The following TRMT44 variants were observed in gnomAD, a reference collection of about 807,000 sequenced individuals.
The protein encoded by TRMT44 is tRNA methyltransferase 44 homolog.
Under a neutral mutation model 77.3 loss-of-function variants are expected in TRMT44, and 78 were observed. The ratio of observed to expected loss-of-function variants is 1.01; its 90% CI spans 0.84 to 1.22. TRMT44 has a LOEUF of 1.22. TRMT44 is among the 50% of genes most tolerant of loss of function. TRMT44 has a pLI of 0.00. For synonymous variants in TRMT44, 391 were observed against 383.3 expected (o/e 1.02, Z -0.23); for missense variants, 1,090 against 964.4 (o/e 1.13, Z -1.73).
Position 8,446,591 on chromosome 4 carries a change from G to T in TRMT44, c.734+1G>T. 2.0e-6 allele frequency: 3 copies of T among 1,525,372 alleles called. No homozygotes were observed. Among genetic ancestry groups the T allele is most frequent in the Non-Finnish European group, 1.8e-6 (2 of 1,137,114 alleles). The allele number at this position is 1,525,372 out of a possible 1,614,324, so 94.5% of individuals were successfully genotyped here. A position where few individuals can be genotyped will look rare whatever the true frequency, so the allele number is the denominator to read the frequency against. On this transcript the variant is annotated splice_donor_variant, in intron 2 of 10. Coordinates refer to ENST00000389737, the MANE Select transcript of TRMT44 (RefSeq NM_152544.3). LOFTEE classifies it high-confidence loss of function. The surrounding 1 kb of genome is among the most constrained non-coding windows in gnomAD (Gnocchi z 4.3). ...AGCTCAGTCATAGCAAAGAAGAATG[G>T]TAAGAGCTGGACAGTGGACTCCTAG...
At chr4:8,500,004 C>T in the TRMT44 span, among the ~76,000 whole-genome samples, 1,600 of 152,266 alleles carry the variant, frequency 0.011, 29 homozygotes, top group African/African-American at 0.037. Context: ...CAAGGCAGGA[C>T]GATTGCTTGA....
At chr4:8,509,173 G>C in the TRMT44 span, 2 of 145,540 alleles carry the variant, frequency 1.4e-5, no homozygotes, top group Non-Finnish European at 3.0e-5. Context: ...AGGAACCAAA[G>C]AGATCCTTTG....
the TRMT44 span, among the ~76,000 whole-genome samples, chr4:8,505,517 G>T: frequency 6.6e-6 from 1 of 152,224 alleles, no homozygotes; most frequent in Admixed American, 6.5e-5. Flanking sequence ...ACAGGCAGCC[G>T]GTGTGGGGGG....
At chr4:8,492,415 G>A (rs1202126552) in intron 2 of TRMT44, among the ~76,000 whole-genome samples, 6 of 152,140 alleles carry the variant, frequency 3.9e-5, no homozygotes, top group African/African-American at 1.4e-4. Context: ...AATTATGACC[G>A]TGAAAGGACA....
In TRMT44 at chr4:8,451,928, A is replaced by G. The variant is rs1229179580; in HGVS notation, c.955-32A>G. The G allele has an allele frequency of 1.0e-5, 16 of 1,534,476 alleles. No homozygotes were observed. Among genetic ancestry groups the G allele is most frequent in the Non-Finnish European group, 1.4e-5 (16 of 1,145,264 alleles). ...TGGGAAATGGTGGTGGGGAAACCGA[A>G]CAATTTATGTTTGCTCTTGAAACTG... is the stretch of plus-strand genomic sequence containing the variant. On this transcript the variant is annotated intron_variant, in intron 3 of 10. Transcript: ENST00000389737. This position sits in a 1 kb window ranked among gnomAD's most constrained non-coding sequence, Gnocchi z 4.1.
chr4:8,492,612 C>A (rs1728041166), intron 2 of TRMT44, among the ~76,000 whole-genome samples: 1 of 152,140 alleles, frequency 6.6e-6, no homozygotes, highest in African/African-American at 2.4e-5. Flanking sequence ...AAACCTGCCT[C>A]TCATTCTATT....
chr4:8,464,701 G>A (rs1331451674), intron 7 of TRMT44, among the ~76,000 whole-genome samples: 2 of 152,178 alleles, frequency 1.3e-5, no homozygotes, highest in Non-Finnish European at 2.9e-5. Context: ...ATTAAAAGCT[G>A]ACGTCTTAAA....
chr4:8,494,072 G>T (rs777810386), downstream of TRMT44, among the ~76,000 whole-genome samples: 1 of 151,080 alleles, frequency 6.6e-6, no homozygotes, highest in Admixed American at 6.6e-5. Flanking sequence ...TGAGGCAGCT[G>T]TGGGGTGATG....
At chr4:8,501,834 C>T in the TRMT44 span, among the ~76,000 whole-genome samples, 2 of 152,288 alleles carry the variant, frequency 1.3e-5, no homozygotes, top group South Asian at 2.1e-4. The surrounding 1 kb of genome is among the most constrained non-coding windows in gnomAD (Gnocchi z 4.4). Flanking sequence ...TGGGCCCCAG[C>T]CTCTCCATCC....
chr4:8,478,937 C>T (rs1028875121), downstream of TRMT44: 39 of 152,248 alleles, frequency 2.6e-4, no homozygotes, highest in African/African-American at 9.4e-4. Flanking sequence ...ATGGTGACCG[C>T]AGCCCCTTGG....
At chr4:8,511,937 T>A in the TRMT44 span, 11 of 152,374 alleles carry the variant, frequency 7.2e-5, no homozygotes, top group African/African-American at 2.4e-4. Context: ...GGCCAGCCTT[T>A]CTGGACCATC....
intron 10 of TRMT44, among the ~76,000 whole-genome samples, chr4:8,473,930 G>A (rs915770146): frequency 9.8e-5 from 15 of 152,290 alleles, no homozygotes; most frequent in African/African-American, 1.9e-4. Context: ...TGCCTGCGCC[G>A]TTCGGGAGCC....
At chr4:8,454,704 TA>T (rs776479673) in intron 5 of TRMT44, 37 bp from the exon 6 acceptor site, 3 of 1,594,626 alleles carry the variant, frequency 1.9e-6, no homozygotes, top group Non-Finnish European at 2.6e-6. Flanking sequence ...TATGAAGTAC[TA>T]AGGTTAACCT....
the TRMT44 span, chr4:8,509,571 C>A: frequency 6.5e-6 from 1 of 152,832 alleles, no homozygotes; most frequent in Non-Finnish European, 1.5e-5. Context: ...CCTGAAGGGG[C>A]CTGGTCAGGA....
At chr4:8,473,882 C>CG (rs1423981690) in intron 10 of TRMT44, among the ~76,000 whole-genome samples, 1 of 152,262 alleles carries the variant, frequency 6.6e-6, no homozygotes, top group East Asian at 1.9e-4. Context: ...GTTGTAGACA[C>CG]GGGGAGTGGG....
the TRMT44 span, among the ~76,000 whole-genome samples, chr4:8,513,044 G>C: frequency 6.6e-6 from 1 of 152,136 alleles, no homozygotes; most frequent in Non-Finnish European, 1.5e-5. Flanking sequence ...TGTAATCTCA[G>C]TAGCTGGGAT....
chr4:8,468,357 C>T lies in TRMT44; in HGVS notation c.1927+11C>T, dbSNP rs373742085. 13 of 1,613,622 alleles carry T rather than the reference C, an allele frequency of 8.1e-6. No individual in the cohort carries two copies. Among genetic ancestry groups the T allele is most frequent in the Middle Eastern group, 1.6e-4 (1 of 6,062 alleles). On this transcript the variant is annotated intron_variant, in intron 9 of 10. Transcript: ENST00000389737. ...CCTGGAATGGGGGAGGTAAGCTGTC[C>T]ACCATCTTAGGGAGGGGCTAGCACG... is the stretch of plus-strand genomic sequence containing the variant.
chr4:8,471,146 C>G lies in TRMT44; in HGVS notation c.1990C>G (p.Arg664Gly). ...CACGGAGACCCTGCGGAGGCTGAAGCGGGAGTGTGGGGGCCTGCAGACGCT... is the reference window on the plus strand; with the variant it reads ...CACGGAGACCCTGCGGAGGCTGAAGGGGGAGTGTGGGGGCCTGCAGACGCT... ...LDTETLRRLK[R>G]ECGGLQTLLR... The change falls in exon 10 of 11, where the codon CGG becomes GGG. Residue 664 changes from arginine to glycine, a missense_variant. Transcript: ENST00000389737. 2.5e-6 allele frequency: 4 copies of G among 1,610,824 alleles called. No homozygotes were observed. Among genetic ancestry groups the G allele is most frequent in the Non-Finnish European group, 3.4e-6 (4 of 1,178,342 alleles).
Position 8,441,461 on chromosome 4 carries a change from G to T in TRMT44, c.619+20G>T. 6.8e-7 allele frequency: 1 copy of T among 1,480,710 alleles called. No individual in the cohort carries two copies. Among genetic ancestry groups the T allele is most frequent in the Non-Finnish European group, 9.0e-7 (1 of 1,114,534 alleles). 91.7% of individuals were successfully genotyped at this position (1,480,710 alleles called of 1,614,324 possible). On this transcript the variant is annotated intron_variant, in intron 1 of 10. Transcript: ENST00000389737. Reference sequence around the variant, plus strand: ...TGCAAGGTAAGAGTGTTTTGATAGTGGACGGATATGATTAGATAAAAAAGC... The same window carrying T: ...TGCAAGGTAAGAGTGTTTTGATAGTTGACGGATATGATTAGATAAAAAAGC...
Sources: gnomAD v4.1 joint callset for allele counts (sites outside exome capture counted in the v4.1 genomes callset) on GRCh38, gnomAD v4.1.1 for gene constraint, Gnocchi (gnomAD v3.1) non-coding constraint, MANE v1.5 for transcripts, NCBI Gene and HGNC (gene_info 2026-07-23, HGNC 2026-07-21) for gene names.